BID: variants seen among roughly 807,000 people sequenced by gnomAD.
BID encodes BH3 interacting domain death agonist.
In BID, 19 loss-of-function variants were observed where a neutral mutation model predicts 17.4. That is an observed-to-expected ratio of 1.09 (90% CI 0.76 to 1.60). The LOEUF is 1.60. BID is among the 40% of genes most tolerant of loss of function. The probability of loss-of-function intolerance (pLI) is 0.00; values close to 1 mark genes in which losing one functional copy is unlikely to be tolerated. For synonymous variants in BID, 108 were observed against 102.8 expected (o/e 1.05, Z -0.31); for missense variants, 226 against 256.0 (o/e 0.88, Z 0.80).
chr22:17,742,439 G>T (rs1055449796), intron 3 of BID, among the ~76,000 whole-genome samples: 6 of 152,106 alleles, frequency 3.9e-5, no homozygotes, highest in African/African-American at 1.4e-4. Context: ...TATGCTGGCT[G>T]GATTAGAAGG....
chr22:17,739,801 G>A (rs8190330), intron 3 of BID: 20,110 of 578,702 alleles, frequency 0.035, 1,564 homozygotes, highest in African/African-American at 0.23. Context: ...GCCTGGCAGC[G>A]GCTTCATGGC....
intron 1 of BID, among the ~76,000 whole-genome samples, chr22:17,754,821 A>G (rs2061569373): frequency 1.3e-5 from 2 of 151,818 alleles, no homozygotes; most frequent in Non-Finnish European, 2.9e-5. Flanking sequence ...CTGGAGTACA[A>G]TGGCATGGTC....
chr22:17,757,318 G>C lies in BID; in HGVS notation c.-58-7144C>G, dbSNP rs538417457. 4.3e-4 allele frequency among the ~76,000 whole-genome samples: 64 copies of C among 147,148 alleles called. No individual in the cohort carries two copies. In the East Asian group the frequency reaches 0.012, roughly 27 times the overall value. ...TAGTCCCAGCTACTGGGGAAGGATTGCTTGAGCCCGGGAGGTGGAGGTTAC... is the reference window on the plus strand; with the variant it reads ...TAGTCCCAGCTACTGGGGAAGGATTCCTTGAGCCCGGGAGGTGGAGGTTAC... On this transcript the variant is annotated intron_variant, in intron 1 of 5. Transcript: ENST00000622694.
chr22:17,757,768 G>A (rs2061604945), intron 1 of BID, among the ~76,000 whole-genome samples: 1 of 152,056 alleles, frequency 6.6e-6, no homozygotes, highest in African/African-American at 2.4e-5. Flanking sequence ...TGTAGTGCCT[G>A]TGCGAGTGAA....
intron 5 of BID, among the ~76,000 whole-genome samples, chr22:17,737,764 G>A (rs188104280): frequency 8.5e-5 from 13 of 152,328 alleles, no homozygotes; most frequent in Non-Finnish European, 1.6e-4. Flanking sequence ...GGAGTGTGAC[G>A]TGAGCCTTTG....
chr22:17,747,521 A>T (rs1189713132), intron 2 of BID, among the ~76,000 whole-genome samples: 2 of 151,944 alleles, frequency 1.3e-5, no homozygotes, highest in East Asian at 4.0e-4. Flanking sequence ...GGGCTTCACC[A>T]TGTTGGCCAG....
intron 2 of BID, among the ~76,000 whole-genome samples, chr22:17,745,489 C>T (rs2061489373): frequency 6.6e-6 from 1 of 151,502 alleles, no homozygotes; most frequent in Non-Finnish European, 1.5e-5. Flanking sequence ...ATCCCCATCT[C>T]TACAAAAAAT....
chr22:17,767,295 T>C lies in BID; in HGVS notation c.-59+7086A>G, dbSNP rs543800091. ...CGATTTTCCTACGTTCTGGAAATCT[T>C]AGAAATATTTACTTACATAAGCTAA... On this transcript the variant is annotated intron_variant, in intron 1 of 5. Coordinates refer to ENST00000622694, the MANE Select transcript of BID (RefSeq NM_001196.4). Among the ~76,000 whole-genome samples the C allele has an allele frequency of 4.6e-4, 70 of 152,144 alleles. 2 individuals are homozygous for C. In the South Asian group the frequency reaches 5.8e-3, roughly 13 times the overall value.
At chr22:17,770,442 C>A (rs1287182442) in intron 1 of BID, among the ~76,000 whole-genome samples, 1 of 152,196 alleles carries the variant, frequency 6.6e-6, no homozygotes. Context: ...GAGGCCCAAG[C>A]AGAAGCTCCT....
At chr22:17,743,028 C>T (rs778042776) in intron 3 of BID, among the ~76,000 whole-genome samples, 4 of 152,234 alleles carry the variant, frequency 2.6e-5, no homozygotes, top group Non-Finnish European at 4.4e-5. Flanking sequence ...AGGCCCACCT[C>T]AAGAAGGGGC....
At position 17,769,395 on chromosome 22, in the gene BID, C is replaced by T. The variant is rs2061703337; in HGVS notation, c.-59+4986G>A. Among the ~76,000 whole-genome samples the T allele has an allele frequency of 6.6e-6, 1 of 152,216 alleles. No homozygotes were observed. Among genetic ancestry groups the T allele is most frequent in the African/African-American group, 2.4e-5 (1 of 41,464 alleles). ...GGGATACCCAGAGGGAGAAACAAGG[C>T]TTTTGGGGAAATGGTGACACCTGGG... On this transcript the variant is annotated intron_variant, in intron 1 of 5. Coordinates refer to ENST00000622694, the MANE Select transcript of BID (RefSeq NM_001196.4). This position sits in a 1 kb window ranked among gnomAD's most constrained non-coding sequence, Gnocchi z 4.8.
Position 17,735,503 on chromosome 22 carries a change from C to G in BID, c.*77G>C, listed in dbSNP as rs2145867777. 1.3e-6 allele frequency: 2 copies of G among 1,563,330 alleles called. No individual in the cohort carries two copies. The highest frequency in any genetic ancestry group is 1.1e-5 in the South Asian group (1 of 89,806). ...TAGGAACGCTGTTGACATGCCAGGG[C>G]TCCGTCTACACTGGAAGCAGCTATA... On this transcript the variant is annotated 3_prime_UTR_variant, in exon 6 of 6. Coordinates refer to ENST00000622694, the MANE Select transcript of BID (RefSeq NM_001196.4).
Position 17,754,190 on chromosome 22 carries a change from G to A in BID, c.-58-4016C>T, listed in dbSNP as rs188802234. Among the ~76,000 whole-genome samples the A allele has an allele frequency of 2.2e-3, 214 of 97,828 alleles. 1 individual carries two copies. Among genetic ancestry groups the A allele is most frequent in the East Asian group, 6.6e-3 (19 of 2,900 alleles). 64.2% of individuals were successfully genotyped at this position (97,828 alleles called of 152,430 possible). A position where few individuals can be genotyped will look rare whatever the true frequency, so the allele number is the denominator to read the frequency against. On this transcript the variant is annotated intron_variant, in intron 1 of 5. Coordinates refer to ENST00000622694, the MANE Select transcript of BID (RefSeq NM_001196.4). Reference sequence around the variant, plus strand: ...CCCCCAGTCTCCAGGACTCTGCCGGGCGGGGGTGACATTCCCCCAGTCTCC... The same window carrying A: ...CCCCCAGTCTCCAGGACTCTGCCGGACGGGGGTGACATTCCCCCAGTCTCC...
intron 3 of BID, among the ~76,000 whole-genome samples, chr22:17,743,311 G>C (rs2061473618): frequency 6.6e-6 from 1 of 152,200 alleles, no homozygotes. Flanking sequence ...GTGCCACCTG[G>C]GGGCTTTGCC....
chr22:17,765,976 C>T (rs552027871), intron 1 of BID, among the ~76,000 whole-genome samples: 369 of 152,296 alleles, frequency 2.4e-3, no homozygotes, highest in African/African-American at 8.2e-3. Context: ...TTCCGCAGGC[C>T]GGACTGCAGT....
intron 1 of BID, among the ~76,000 whole-genome samples, chr22:17,767,069 C>T (rs1006357641): frequency 2.6e-4 from 39 of 151,526 alleles, no homozygotes; most frequent in African/African-American, 9.4e-4. Context: ...ACTAAAAATA[C>T]AAAAATTAGC....
In BID at chr22:17,738,166, C is replaced by T. The variant is rs2062085456; in HGVS notation, c.427G>A (p.Glu143Lys). The change falls in exon 5 of 6, where the codon GAG becomes AAG. Residue 143 changes from glutamate (E) to lysine (K), a missense_variant. By Grantham distance (56) the Glu-to-Lys change is moderately conservative. Coordinates refer to ENST00000622694, the MANE Select transcript of BID (RefSeq NM_001196.4). ...AGCACCAGCATGGTCTTCTCCTTCT[C>T]CATGTCTCTAGGGTAGGCCTGCAGC... Reference protein sequence around the residue: ...QLLQAYPRDMEKEKTMLVLAL... With the variant: ...QLLQAYPRDMKKEKTMLVLAL... 6.2e-7 allele frequency: 1 copy of T among 1,613,596 alleles called. No individual in the cohort carries two copies. Among genetic ancestry groups the T allele is most frequent in the Non-Finnish European group, 8.5e-7 (1 of 1,180,040 alleles).
chr22:17,754,600 G>A lies in BID; in HGVS notation c.-58-4426C>T, dbSNP rs1249554339. Among the ~76,000 whole-genome samples, 3 of 152,228 alleles carry A rather than the reference G, an allele frequency of 2.0e-5. No homozygotes were observed. The East Asian group carries it at 5.8e-4, about 29-fold the overall frequency. On this transcript the variant is annotated intron_variant, in intron 1 of 5. Coordinates refer to ENST00000622694, the MANE Select transcript of BID (RefSeq NM_001196.4). Reference sequence around the variant, plus strand: ...GGTCAGATAGAGGCATGGGTCACACGGGGACAAGCACAGCACACAGGTGCT... The same window carrying A: ...GGTCAGATAGAGGCATGGGTCACACAGGGACAAGCACAGCACACAGGTGCT...
chr22:17,772,437 G>A (rs1391181392), intron 1 of BID, among the ~76,000 whole-genome samples: 1 of 152,230 alleles, frequency 6.6e-6, no homozygotes, highest in Non-Finnish European at 1.5e-5. Context: ...ACGACAGGAA[G>A]CATTTCCAGA....
Sources: allele counts gnomAD v4.1 joint callset (sites outside exome capture counted in the v4.1 genomes callset), GRCh38; gene constraint gnomAD v4.1.1; non-coding constraint Gnocchi (gnomAD v3.1); transcripts MANE v1.5; gene names NCBI Gene and HGNC (gene_info 2026-07-23, HGNC 2026-07-21).